PRKCH: variants seen among roughly 807,000 people sequenced by gnomAD.
PRKCH encodes protein kinase C eta type.
Under a neutral mutation model 82.5 loss-of-function variants are expected in PRKCH, and 28 were observed. The observed-to-expected ratio is 0.34, with a 90% CI of 0.25 to 0.47. The LOEUF (loss-of-function observed/expected upper bound fraction) is 0.47, where lower values mean the gene tolerates loss of function less well. Among genes scored for constraint, PRKCH ranks in the 20% least tolerant of loss-of-function variants. The probability of loss-of-function intolerance (pLI) is 1.00; values close to 1 mark genes in which losing one functional copy is unlikely to be tolerated. For synonymous variants in PRKCH, 322 were observed against 327.4 expected, an observed-to-expected ratio of 0.98 and a Z score of 0.18; for missense variants, 705 against 881.8, an observed-to-expected ratio of 0.80 and a Z score of 2.54.
Position 61,322,344 on chromosome 14 carries a change from C to T in PRKCH, c.243C>T (p.His81=). ...EFCANVTDGG[H]LELAVFHETP... is the part of the protein sequence containing the mutation. ...GCGCTAACGTCACCGACGGCGGCCACCTCGAGTTGGCCGTCTTCCACGAGA... is the reference window on the plus strand; with the variant it reads ...GCGCTAACGTCACCGACGGCGGCCATCTCGAGTTGGCCGTCTTCCACGAGA... Residue 81 remains histidine, a synonymous_variant, in exon 1 of 14, where the codon CAC becomes CAT. Transcript: ENST00000332981. The T allele has an allele frequency of 6.2e-7, 1 of 1,613,372 alleles. No homozygotes were observed. The highest frequency in any genetic ancestry group is 1.7e-5 in the Admixed American group (1 of 60,008).
chr14:61,462,858 C>G (rs1885090385), intron 9 of PRKCH, among the ~76,000 whole-genome samples: 1 of 152,256 alleles, frequency 6.6e-6, no homozygotes, highest in Admixed American at 6.5e-5. Flanking sequence ...ATCAGTCTCT[C>G]TGAAGCCCAG....
chr14:61,547,650 C>T (rs2043275566), intron 12 of PRKCH, 93 bp from the exon 13 acceptor site: 4 of 1,480,002 alleles, frequency 2.7e-6, no homozygotes, highest in South Asian at 1.3e-5. Context: ...GAAAGTCTCG[C>T]ACAGCTCCTC....
chr14:61,529,017 G>A (rs1767982373), intron 10 of PRKCH, 58 bp from the exon 11 acceptor site: 1 of 963,330 alleles, frequency 1.0e-6, no homozygotes, highest in African/African-American at 2.9e-5. Context: ...CCCATTCTGA[G>A]AGGTGGATGG....
At chr14:61,281,202 G>A in intron 1 of PRKCH, 2 of 1,129,068 alleles carry the variant, frequency 1.8e-6, no homozygotes, top group Non-Finnish European at 1.1e-6. Context: ...CCCGCCGCGG[G>A]GCGCCTCCCT....
chr14:61,320,684 C>T (rs553106091), upstream of PRKCH, among the ~76,000 whole-genome samples: 4 of 152,324 alleles, frequency 2.6e-5, no homozygotes, highest in East Asian at 5.8e-4. Context: ...AGGGAGCAAG[C>T]TTTGCGGCAT....
intron 1 of PRKCH, chr14:61,306,038 G>C (rs1488569759): frequency 6.6e-6 from 1 of 152,096 alleles, no homozygotes; most frequent in Non-Finnish European, 1.5e-5. Context: ...GCTTTGTTTT[G>C]TTATGTATTA....
chr14:61,545,777 C>T (rs1442584876), intron 12 of PRKCH, among the ~76,000 whole-genome samples: 3 of 152,174 alleles, frequency 2.0e-5, no homozygotes, highest in African/African-American at 7.2e-5. Context: ...GTCTACTTGT[C>T]GTCAGGCAAG....
chr14:61,349,868 A>T (rs970695317), intron 1 of PRKCH, among the ~76,000 whole-genome samples: 1 of 149,422 alleles, frequency 6.7e-6, no homozygotes, highest in Non-Finnish European at 1.5e-5. Context: ...CTCAGAAAAT[A>T]AAAAAAAAAG....
chr14:61,257,611 ACACACACACACACACACACCCC>A (rs1008465786), intron 1 of PRKCH, among the ~76,000 whole-genome samples: 45 of 50,412 alleles, frequency 8.9e-4, no homozygotes, highest in Non-Finnish European at 1.1e-3. Flanking sequence ...ACAGACACAC[ACACACACACACACACACACCCC>A]CACACACACA....
intron 2 of PRKCH, among the ~76,000 whole-genome samples, chr14:61,434,198 C>G (rs897232069): frequency 6.6e-6 from 1 of 152,038 alleles, no homozygotes; most frequent in Non-Finnish European, 1.5e-5. Context: ...TTTACATTTT[C>G]AAGTATATAA....
At chr14:61,496,372 A>G (rs1471896427) in intron 10 of PRKCH, among the ~76,000 whole-genome samples, 5 of 152,292 alleles carry the variant, frequency 3.3e-5, no homozygotes, top group African/African-American at 1.2e-4. Flanking sequence ...GGAATCTACA[A>G]TTCCACTCCA....
At chr14:61,437,790 G>A (rs941476142) in intron 2 of PRKCH, among the ~76,000 whole-genome samples, 1 of 151,990 alleles carries the variant, frequency 6.6e-6, no homozygotes, top group African/African-American at 2.4e-5. Flanking sequence ...ACAATAGACA[G>A]TTGAATTAAA....
chr14:61,187,654 C>G (rs1352837132), exon 1 of PRKCH: 1 of 152,244 alleles, frequency 6.6e-6, no homozygotes, highest in Admixed American at 6.5e-5. Flanking sequence ...GGTCCAGGAT[C>G]GTATCAGGGT....
At chr14:61,504,472 G>A (rs1887052927) in intron 10 of PRKCH, among the ~76,000 whole-genome samples, 1 of 152,124 alleles carries the variant, frequency 6.6e-6, no homozygotes. Flanking sequence ...TTACAGGCAT[G>A]AGCCACCGCA....
intron 2 of PRKCH, among the ~76,000 whole-genome samples, chr14:61,406,047 G>A (rs1469159099): frequency 1.3e-5 from 2 of 152,166 alleles, no homozygotes; most frequent in Non-Finnish European, 2.9e-5. Context: ...AATCTCTGGG[G>A]AAGAGGCCAA....
At chr14:61,198,659 T>C (rs927464935) in intron 1 of PRKCH, among the ~76,000 whole-genome samples, 8 of 152,192 alleles carry the variant, frequency 5.3e-5, no homozygotes, top group African/African-American at 1.9e-4. Flanking sequence ...CCTTTTTCTT[T>C]GAATGAAGGA....
chr14:61,463,488 A>G (rs903295384), intron 9 of PRKCH: 35 of 151,714 alleles, frequency 2.3e-4, no homozygotes, highest in Non-Finnish European at 2.1e-4. Context: ...CTTTTTTTTT[A>G]TAATCATATA....
rs758595244 is a variant in PRKCH, at chr14:61,530,569, G to A, written c.1735G>A (p.Glu579Lys). 1.2e-6 allele frequency: 2 copies of A among 1,604,526 alleles called. No individual in the cohort carries two copies. The highest frequency in any genetic ancestry group is 1.7e-5 in the Admixed American group (1 of 58,504). The change falls in exon 12 of 14, where the codon GAA becomes AAA. Residue 579 changes from glutamate to lysine, a missense_variant. This residue lies in a region of PRKCH where 115 missense variants were observed against 193.8 expected (regional missense o/e 0.59). Transcript: ENST00000332981. ...DEVVYPTWLH[E>K]DATGILKSFM... ...GGTGGTCTACCCTACCTGGCTCCAT[G>A]AAGATGCCACAGGGATCCTAAAATC...
chr14:61,370,046 C>T lies in PRKCH; in HGVS notation c.364-21179C>T, dbSNP rs145463202. Among the ~76,000 whole-genome samples the T allele has an allele frequency of 9.3e-4, 142 of 151,982 alleles. 2 individuals are homozygous for T. The highest frequency in any genetic ancestry group is 3.2e-3 in the African/African-American group (133 of 41,348). On this transcript the variant is annotated intron_variant, in intron 1 of 13. Transcript: ENST00000332981. The stretch of plus-strand genomic sequence containing the variant: ...GTGATCTCCGCCTCCCAGGTTCAAG[C>T]GATTCTCCTGTCTCAGCCTCCCAAG...
Sources: allele counts gnomAD v4.1 joint callset (sites outside exome capture counted in the v4.1 genomes callset), GRCh38; gene constraint gnomAD v4.1.1; regional missense constraint gnomAD v4.1.1; transcripts MANE v1.5; gene names NCBI Gene and HGNC (gene_info 2026-07-23, HGNC 2026-07-21).